Variants in SPTB observed in about 807,000 individuals in gnomAD.
SPTB encodes the protein spectrin beta, erythrocytic, also known as spectrin beta chain, erythrocytic.
Under a neutral mutation model 256.2 loss-of-function variants are expected in SPTB, and 45 were observed. The ratio of observed to expected loss-of-function variants is 0.18; its 90% CI spans 0.14 to 0.23. SPTB has a LOEUF of 0.23. SPTB is among the 10% of genes least tolerant of loss of function. The pLI, the probability that SPTB is intolerant of heterozygous loss-of-function variation, is 1.00. For synonymous variants in SPTB, 1,231 were observed against 1,243.1 expected (o/e 0.99, Z 0.21); for missense variants, 2,715 against 3,040.4 (o/e 0.89, Z 2.52).
intron 10 of SPTB, among the ~76,000 whole-genome samples, chr14:64,797,313 T>A (rs2082789416): frequency 6.6e-6 from 1 of 150,948 alleles, no homozygotes; most frequent in African/African-American, 2.4e-5. Flanking sequence ...CTATAAAAAA[T>A]GTAACATTTA....
intron 6 of SPTB, 106 bp from the exon 7 acceptor site, chr14:64,801,506 G>T: frequency 1.1e-6 from 1 of 915,468 alleles, no homozygotes; most frequent in Non-Finnish European, 1.8e-6. Context: ...AGGTGGTCAG[G>T]CAGGAGGAGT....
chr14:64,788,307 G>A (rs1039036012), intron 15 of SPTB, among the ~76,000 whole-genome samples: 4 of 152,244 alleles, frequency 2.6e-5, no homozygotes, highest in East Asian at 1.9e-4. Context: ...TGCCTCAGGG[G>A]ATGGAGGCTG....
intron 1 of SPTB, among the ~76,000 whole-genome samples, chr14:64,875,785 T>C (rs969221939): frequency 6.6e-5 from 10 of 152,240 alleles, no homozygotes; most frequent in African/African-American, 2.4e-4. Flanking sequence ...CCAGTATCCA[T>C]GAACTTCCTT....
chr14:64,862,612 A>C (rs1881916066), intron 1 of SPTB, among the ~76,000 whole-genome samples: 2 of 152,030 alleles, frequency 1.3e-5, no homozygotes, highest in Non-Finnish European at 2.9e-5. Flanking sequence ...GGTGCCTCAC[A>C]ACTGTAATCC....
intron 31 of SPTB, 146 bp downstream of exon 31, chr14:64,767,157 C>T (rs905486588): frequency 9.2e-6 from 10 of 1,088,378 alleles, no homozygotes; most frequent in African/African-American, 1.5e-5. Context: ...TGCGCTCATG[C>T]TCAGGCACTC....
At chr14:64,830,048 CTGG>C (rs2083429232) in intron 1 of SPTB, among the ~76,000 whole-genome samples, 1 of 152,224 alleles carries the variant, frequency 6.6e-6, no homozygotes, top group African/African-American at 2.4e-5. Context: ...GAAGTCCTCC[CTGG>C]TCACCCTCTC....
Position 64,775,460 on chromosome 14 carries a change from CT to C in SPTB, c.4564-58del. On this transcript the variant is annotated intron_variant, in intron 22 of 35. Coordinates refer to ENST00000644917, the MANE Select transcript of SPTB (RefSeq NM_001355436.2). The surrounding 1 kb of genome is among the most constrained non-coding windows in gnomAD (Gnocchi z 5.0). ...CCTTCCCACCATGCGGGGGAGGCTG[CT>C]TCAGCAGTGGCAGCACAGCTCTGAC... is the stretch of plus-strand genomic sequence containing the variant. 1 of 1,575,284 alleles carries C rather than the reference CT, an allele frequency of 6.3e-7. No individual in the cohort carries two copies. Among genetic ancestry groups the C allele is most frequent in the Non-Finnish European group, 8.6e-7 (1 of 1,158,620 alleles).
chr14:64,867,439 G>A (rs186909028), intron 1 of SPTB, among the ~76,000 whole-genome samples: 110 of 152,292 alleles, frequency 7.2e-4, no homozygotes, highest in Non-Finnish European at 1.1e-3. Flanking sequence ...AGGCTACAGC[G>A]TGGACAGCAA....
chr14:64,766,456 G>C, intron 32 of SPTB: 11 of 1,423,728 alleles, frequency 7.7e-6, no homozygotes, highest in Non-Finnish European at 9.1e-6. Context: ...TATTACATTA[G>C]GTAAAACAAA....
At position 64,775,426 on chromosome 14, in the gene SPTB, G is replaced by A. The variant is rs199621471; in HGVS notation, c.4564-23C>T. On this transcript the variant is annotated intron_variant, in intron 22 of 35. Transcript: ENST00000644917. This position sits in a 1 kb window ranked among gnomAD's most constrained non-coding sequence, Gnocchi z 5.0. Reference sequence around the variant, plus strand: ...TGTCTGCGGCCAGAAGGAAGGGCTCGGGGCAGGGCCTTCCCACCATGCGGG... The same window carrying A: ...TGTCTGCGGCCAGAAGGAAGGGCTCAGGGCAGGGCCTTCCCACCATGCGGG... 6.8e-5 allele frequency: 110 copies of A among 1,606,828 alleles called. 1 individual carries two copies. Among genetic ancestry groups the A allele is most frequent in the Admixed American group, 1.7e-4 (10 of 59,726 alleles).
intron 29 of SPTB, 65 bp downstream of exon 29, chr14:64,768,969 C>G: frequency 7.6e-7 from 1 of 1,320,836 alleles, no homozygotes; most frequent in Non-Finnish European, 1.1e-6. Flanking sequence ...TGTGGCACCT[C>G]CCCATTCCCC....
chr14:64,775,118 A>G lies in SPTB; in HGVS notation c.4842+7T>C. Reference sequence around the variant, plus strand: ...CACCCTGGCTGGTATCCCCTGCCCGAACAGACCTTGGGGATCTCATCGGAG... The same window carrying G: ...CACCCTGGCTGGTATCCCCTGCCCGGACAGACCTTGGGGATCTCATCGGAG... On this transcript the variant is annotated splice_region_variant and intron_variant, in intron 23 of 35. Transcript: ENST00000644917. The surrounding 1 kb of genome is among the most constrained non-coding windows in gnomAD (Gnocchi z 5.0). 6.2e-7 allele frequency: 1 copy of G among 1,613,826 alleles called. No individual in the cohort carries two copies.
chr14:64,872,835 T>A (rs1882616178), intron 1 of SPTB, among the ~76,000 whole-genome samples: 2 of 152,232 alleles, frequency 1.3e-5, no homozygotes, highest in South Asian at 4.1e-4. Flanking sequence ...GATGGTTTTA[T>A]AAAGGGCAGT....
intron 32 of SPTB, among the ~76,000 whole-genome samples, chr14:64,766,046 T>C (rs1407562469): frequency 1.4e-5 from 2 of 144,762 alleles, no homozygotes; most frequent in Non-Finnish European, 3.0e-5. Context: ...GGTGTGTGGG[T>C]GTGCGTGAGG....
Position 64,844,073 on chromosome 14 carries a change from T to C in SPTB, c.-51-20928A>G, listed in dbSNP as rs567090936. ...AAATCCCAACAAAAAAAGGCTACAGTTGAGATCCAACAAGAGTGGACCTAC... is the reference window on the plus strand; with the variant it reads ...AAATCCCAACAAAAAAAGGCTACAGCTGAGATCCAACAAGAGTGGACCTAC... On this transcript the variant is annotated intron_variant, in intron 1 of 35. Coordinates refer to ENST00000644917, the MANE Select transcript of SPTB (RefSeq NM_001355436.2). The surrounding 1 kb of genome is among the most constrained non-coding windows in gnomAD (Gnocchi z 4.1). 6.6e-5 allele frequency among the ~76,000 whole-genome samples: 10 copies of C among 152,314 alleles called. No homozygotes were observed. In the East Asian group the frequency reaches 1.9e-3, roughly 29 times the overall value.
At chr14:64,869,683 A>C (rs1412918871) in intron 1 of SPTB, among the ~76,000 whole-genome samples, 2 of 147,254 alleles carry the variant, frequency 1.4e-5, no homozygotes, top group Non-Finnish European at 3.0e-5. Flanking sequence ...ATGTAGTGGC[A>C]CAATCATGGC....
At position 64,759,351 on chromosome 14, in the gene SPTB, T is replaced by C. The variant is rs1026025259; in HGVS notation, c.6346-5558A>G. ...CCCTGTTGGATCAGTCCTGCCTCTT[T>C]CTAGGCCAGATCCATCAAGGACCTC... On this transcript the variant is annotated intron_variant, in intron 32 of 35. Coordinates refer to ENST00000644917, the MANE Select transcript of SPTB (RefSeq NM_001355436.2). This position sits in a 1 kb window ranked among gnomAD's most constrained non-coding sequence, Gnocchi z 4.8. Among the ~76,000 whole-genome samples, 3 of 152,188 alleles carry C rather than the reference T, an allele frequency of 2.0e-5. No individual in the cohort carries two copies. The highest frequency in any genetic ancestry group is 7.2e-5 in the African/African-American group (3 of 41,446).
At chr14:64,876,210 C>T (rs752725947) in intron 1 of SPTB, among the ~76,000 whole-genome samples, 10 of 152,114 alleles carry the variant, frequency 6.6e-5, no homozygotes, top group African/African-American at 1.2e-4. Context: ...GGCGCGATGT[C>T]GGTTCACTGC....
chr14:64,846,870 G>A (rs1331526455), intron 1 of SPTB, among the ~76,000 whole-genome samples: 1 of 152,182 alleles, frequency 6.6e-6, no homozygotes, highest in Non-Finnish European at 1.5e-5. Flanking sequence ...CTACAGTTTA[G>A]CTGTTAAGGT....
Sources: gnomAD v4.1 joint callset for allele counts (sites outside exome capture counted in the v4.1 genomes callset) on GRCh38, gnomAD v4.1.1 for gene constraint, Gnocchi (gnomAD v3.1) non-coding constraint, MANE v1.5 for transcripts, NCBI Gene and HGNC (gene_info 2026-07-23, HGNC 2026-07-21) for gene names.